ZNF600: variants seen among roughly 807,000 people sequenced by gnomAD.
ZNF600 encodes the protein zinc finger protein 600, also known as zinc finger protein KR-ZNF1.
In ZNF600, 4 loss-of-function variants were observed where a neutral mutation model predicts 7.3. The observed-to-expected ratio is 0.55, with a 90% confidence interval of 0.27 to 1.25. The LOEUF is 1.25. Among genes scored for constraint, ZNF600 ranks in the 50% most tolerant of loss-of-function variants. The pLI, the probability that ZNF600 is intolerant of heterozygous loss-of-function variation, is 0.12. For missense variants in ZNF600, 911 were observed against 922.1 expected, an observed-to-expected ratio of 0.99 and a Z score of 0.16; for synonymous variants, 290 against 308.9, an observed-to-expected ratio of 0.94 and a Z score of 0.64.
chr19:52,794,785 T>C, the ZNF600 span, among the ~76,000 whole-genome samples: 3 of 152,034 alleles, frequency 2.0e-5, no homozygotes, highest in South Asian at 2.1e-4. Context: ...GCCTGGGAGA[T>C]GGAGGTTGCA....
At chr19:52,793,089 A>G in the ZNF600 span, among the ~76,000 whole-genome samples, 8 of 150,988 alleles carry the variant, frequency 5.3e-5, no homozygotes, top group Non-Finnish European at 1.2e-4. Context: ...ACTCAATGTT[A>G]AATCAACTCA....
Position 52,767,054 on chromosome 19 carries a change from T to G in ZNF600, c.909A>C (p.Thr303=), listed in dbSNP as rs184830216. The change falls in exon 4 of 4, where the codon ACA becomes ACC. Residue 303 remains threonine (T), a synonymous_variant. Transcript: ENST00000648973. The stretch of plus-strand genomic sequence containing the variant: ...CTGCAGTGTGAAGTCTACGATGGCA[T>G]GTAAGGGATGATACCTGACTGAAGG... The G allele has an allele frequency of 3.7e-6, 6 of 1,614,034 alleles. No homozygotes were observed. In the African/African-American group the frequency reaches 4.0e-5, roughly 11 times the overall value.
the ZNF600 span, among the ~76,000 whole-genome samples, chr19:52,812,277 CATTGA>C: frequency 7.2e-6 from 1 of 139,656 alleles, no homozygotes; most frequent in Non-Finnish European, 1.5e-5. Flanking sequence ...CCCAGCGGCT[CATTGA>C]GAACGGGCCA....
the ZNF600 span, chr19:52,801,285 T>G: frequency 6.2e-7 from 1 of 1,614,150 alleles, no homozygotes; most frequent in Non-Finnish European, 8.5e-7. Flanking sequence ...ATTAGAAATA[T>G]GGGTTTTGGG....
the ZNF600 span, among the ~76,000 whole-genome samples, chr19:52,803,570 T>C: frequency 6.6e-6 from 1 of 152,146 alleles, no homozygotes; most frequent in Non-Finnish European, 1.5e-5. Flanking sequence ...AAGCCAAAAC[T>C]TGTACTTACC....
At chr19:52,770,803 A>C (rs1386876200) in intron 3 of ZNF600, among the ~76,000 whole-genome samples, 1 of 152,088 alleles carries the variant, frequency 6.6e-6, no homozygotes, top group Non-Finnish European at 1.5e-5. Context: ...CTAATTGTGA[A>C]TAGGACTAGG....
upstream of ZNF600, among the ~76,000 whole-genome samples, chr19:52,787,660 C>T (rs954440528): frequency 1.3e-5 from 2 of 151,320 alleles, no homozygotes; most frequent in Non-Finnish European, 2.9e-5. Flanking sequence ...AGATCGAGAC[C>T]ATCCTGGCTA....
chr19:52,782,655 C>T (rs1206331276), intron 1 of ZNF600, among the ~76,000 whole-genome samples: 25 of 152,092 alleles, frequency 1.6e-4, no homozygotes, highest in Admixed American at 1.6e-3. Context: ...GGGTGGATTA[C>T]GAGGTCATGA....
chr19:52,780,522 A>C (rs1458075905), intron 1 of ZNF600, 59 bp downstream of exon 3: 2 of 151,766 alleles, frequency 1.3e-5, no homozygotes, highest in Non-Finnish European at 2.9e-5. Flanking sequence ...ATGAGGTCAG[A>C]GAGGTCCTGG....
At chr19:52,783,937 G>A (rs2062744006) in intron 1 of ZNF600, among the ~76,000 whole-genome samples, 1 of 152,138 alleles carries the variant, frequency 6.6e-6, no homozygotes, top group African/African-American at 2.4e-5. Flanking sequence ...AGCAGGGCGT[G>A]GTGGCGCATG....
the ZNF600 span, among the ~76,000 whole-genome samples, chr19:52,816,804 C>T: frequency 6.6e-6 from 1 of 150,706 alleles, no homozygotes; most frequent in African/African-American, 2.4e-5. Context: ...GCACTGCAGC[C>T]TGGGCAACAA....
At chr19:52,777,753 T>C (rs1600391141) in intron 2 of ZNF600, among the ~76,000 whole-genome samples, 5 of 151,992 alleles carry the variant, frequency 3.3e-5, no homozygotes, top group Admixed American at 3.3e-4. Flanking sequence ...TGCTTGAAAC[T>C]GGGAGATGGA....
exon 4 of ZNF600, chr19:52,766,470 A>C: frequency 6.2e-7 from 1 of 1,614,130 alleles, no homozygotes; most frequent in Non-Finnish European, 8.5e-7. Context: ...ATGAATTAGA[A>C]GATCTGAATT....
chr19:52,812,127 G>A, the ZNF600 span, among the ~76,000 whole-genome samples: 2 of 115,046 alleles, frequency 1.7e-5, no homozygotes, highest in Admixed American at 8.2e-5. Context: ...CAGCCGCCCC[G>A]TCCGGGAGGG....
the ZNF600 span, chr19:52,801,784 AC>A: frequency 9.9e-6 from 13 of 1,312,340 alleles, no homozygotes; most frequent in African/African-American, 8.9e-5. Context: ...GACACAAAAA[AC>A]AATACTTATT....
the ZNF600 span, chr19:52,798,616 T>C: frequency 2.3e-6 from 1 of 429,862 alleles, no homozygotes; most frequent in East Asian, 6.2e-5. Flanking sequence ...GTTTCTCTCC[T>C]GTATGAATCC....
exon 3 of ZNF600, chr19:52,774,635 A>C (rs201590440): frequency 3.2e-4 from 315 of 985,256 alleles, no homozygotes; most frequent in African/African-American, 1.2e-3. Context: ...GCCCTCTGCG[A>C]AGGGTTCAGG....
chr19:52,764,951 G>C (rs2062556860), exon 4 of ZNF600: 1 of 175,268 alleles, frequency 5.7e-6, no homozygotes, highest in Non-Finnish European at 1.2e-5. Flanking sequence ...GGCCATGCTG[G>C]TTTCAAACTT....
At chr19:52,810,401 ACT>A in the ZNF600 span, 5 of 1,604,644 alleles carry the variant, frequency 3.1e-6, no homozygotes, top group Admixed American at 8.4e-5. Flanking sequence ...ACGTTACCAT[ACT>A]CTGTGACAAA....
Sources: allele counts gnomAD v4.1 joint callset (sites outside exome capture counted in the v4.1 genomes callset), GRCh38; gene constraint gnomAD v4.1.1; transcripts MANE v1.5; gene names NCBI Gene and HGNC (gene_info 2026-07-23, HGNC 2026-07-21).